Variants in BLTP1 observed in about 807,000 individuals in gnomAD.
The protein encoded by BLTP1 is bridge-like lipid transfer protein family member 1.
At chr4:122,232,083 C>T in the BLTP1 span, 1 of 985,418 alleles carries the variant, frequency 1.0e-6, no homozygotes, top group Non-Finnish European at 1.2e-6. Flanking sequence ...GAGGTTACTT[C>T]AGGTGACTCG....
At chr4:122,181,706 A>G in the BLTP1 span, among the ~76,000 whole-genome samples, 1 of 151,952 alleles carries the variant, frequency 6.6e-6, no homozygotes, top group East Asian at 1.9e-4. Context: ...GTAGACCGAT[A>G]ATGTACTCAA....
the BLTP1 span, chr4:122,186,969 G>A: frequency 1.0e-6 from 1 of 972,050 alleles, no homozygotes; most frequent in Non-Finnish European, 1.2e-6. Context: ...TTGGCACAAG[G>A]CATTTGGGTG....
the BLTP1 span, among the ~76,000 whole-genome samples, chr4:122,265,048 G>GT: frequency 3.3e-5 from 5 of 152,156 alleles, no homozygotes; most frequent in African/African-American, 4.8e-5. Flanking sequence ...GCAGGCAAGT[G>GT]TGAGAGTGGG....
chr4:122,348,242 A>C, the BLTP1 span, among the ~76,000 whole-genome samples: 1 of 152,152 alleles, frequency 6.6e-6, no homozygotes, highest in Non-Finnish European at 1.5e-5. Flanking sequence ...ACAGCACCTT[A>C]TGATTTTCTT....
the BLTP1 span, chr4:122,304,765 T>C: frequency 4.4e-5 from 70 of 1,604,834 alleles, no homozygotes; most frequent in Admixed American, 2.0e-4. Context: ...GATTTAAGAT[T>C]CATTTTTTTC....
At chr4:122,256,338 T>C in the BLTP1 span, among the ~76,000 whole-genome samples, 1 of 152,320 alleles carries the variant, frequency 6.6e-6, no homozygotes, top group African/African-American at 2.4e-5. Context: ...CTAACTTGCC[T>C]GTGTAGTTAT....
the BLTP1 span, chr4:122,209,396 G>A: frequency 3.5e-5 from 54 of 1,556,970 alleles, no homozygotes; most frequent in Non-Finnish European, 4.6e-5. Flanking sequence ...TGTAATCCCA[G>A]CACTTTGGGA....
the BLTP1 span, among the ~76,000 whole-genome samples, chr4:122,352,299 C>T: frequency 6.6e-6 from 1 of 151,328 alleles, no homozygotes; most frequent in East Asian, 1.9e-4. Flanking sequence ...CATAAAATTC[C>T]ATGCAAGTAC....
the BLTP1 span, chr4:122,192,564 G>A: frequency 6.2e-6 from 1 of 160,640 alleles, no homozygotes; most frequent in Non-Finnish European, 1.3e-5. Flanking sequence ...CATTCCAAAG[G>A]TGGAGCTGAT....
chr4:122,304,622 T>C, the BLTP1 span: 6 of 736,488 alleles, frequency 8.1e-6, no homozygotes, highest in Non-Finnish European at 9.9e-6. Flanking sequence ...AAAAAATTTG[T>C]GTGACCCACT....
the BLTP1 span, chr4:122,292,971 C>G: frequency 7.9e-6 from 5 of 629,576 alleles, no homozygotes; most frequent in Non-Finnish European, 9.9e-6. Context: ...AAAAAAAAAT[C>G]TGATGTTTTT....
the BLTP1 span, among the ~76,000 whole-genome samples, chr4:122,274,071 G>A: frequency 6.6e-6 from 1 of 151,924 alleles, no homozygotes; most frequent in South Asian, 2.1e-4. Flanking sequence ...GCTATGTAAT[G>A]CCAGTAGACT....
At chr4:122,356,358 G>A in the BLTP1 span, among the ~76,000 whole-genome samples, 5 of 152,116 alleles carry the variant, frequency 3.3e-5, no homozygotes, top group Non-Finnish European at 7.4e-5. Context: ...TTGGATTGGG[G>A]TTCTAAAACC....
chr4:122,343,747 A>C, the BLTP1 span: 2 of 920,344 alleles, frequency 2.2e-6, no homozygotes, highest in East Asian at 2.6e-5. Context: ...TACCTATCTC[A>C]TATTTACGTA....
chr4:122,257,489 G>A, the BLTP1 span: 1 of 1,613,954 alleles, frequency 6.2e-7, no homozygotes, highest in Non-Finnish European at 8.5e-7. Context: ...ATTTGAGTTC[G>A]ATGCAGGTAG....
the BLTP1 span, chr4:122,331,790 T>A: frequency 2.1e-6 from 2 of 968,584 alleles, no homozygotes; most frequent in Middle Eastern, 5.3e-4. Context: ...AATAGTTATA[T>A]CTTTGGAATT....
the BLTP1 span, among the ~76,000 whole-genome samples, chr4:122,352,549 A>G: frequency 6.6e-6 from 1 of 151,780 alleles, no homozygotes; most frequent in African/African-American, 2.4e-5. Context: ...TAGTAGAGAC[A>G]GGGTTTCACC....
the BLTP1 span, among the ~76,000 whole-genome samples, chr4:122,346,220 T>TAG: frequency 6.6e-6 from 1 of 152,196 alleles, no homozygotes. Context: ...TCACTGCTAT[T>TAG]AGTCTGATAG....
chr4:122,315,654 A>G, the BLTP1 span: 6 of 1,614,092 alleles, frequency 3.7e-6, no homozygotes, highest in Non-Finnish European at 5.1e-6. Flanking sequence ...TCAGATGAGG[A>G]TGAAGTTGAT....
Sources: gnomAD v4.1 joint callset for allele counts (sites outside exome capture counted in the v4.1 genomes callset) on GRCh38, gnomAD v4.1.1 for gene constraint, MANE v1.5 for transcripts, NCBI Gene and HGNC (gene_info 2026-07-23, HGNC 2026-07-21) for gene names.